Variants in IQGAP2 observed in about 807,000 individuals in gnomAD.
The protein encoded by IQGAP2 is IQ motif containing GTPase activating protein 2.
In IQGAP2, 173 loss-of-function variants were observed where a neutral mutation model predicts 201.3. That is an observed-to-expected ratio of 0.86 (90% CI 0.76 to 0.98). The LOEUF is 0.98. IQGAP2 is among the 50% of genes least tolerant of loss of function. The probability of loss-of-function intolerance (pLI) is 0.00; values close to 1 mark genes in which losing one functional copy is unlikely to be tolerated. For synonymous variants in IQGAP2, 675 were observed against 673.9 expected, an observed-to-expected ratio of 1.00 and a Z score of -0.03; for missense variants, 1,687 against 1,864.8, an observed-to-expected ratio of 0.90 and a Z score of 1.76.
Position 76,403,495 on chromosome 5 carries a change from G to T in IQGAP2, c.-51G>T. The T allele has an allele frequency of 3.6e-6, 5 of 1,397,948 alleles. No individual in the cohort carries two copies. In the South Asian group the frequency reaches 4.5e-5, roughly 12 times the overall value. 86.6% of individuals were successfully genotyped at this position (1,397,948 alleles called of 1,614,324 possible). ...CGCAGAGCCCGCGAGCCTGGCCAGC[G>T]AGGGTAGCCGCGGGGGGCGCGCCCC... On this transcript the variant is annotated 5_prime_UTR_variant, in exon 1 of 36. Transcript: ENST00000274364. The surrounding 1 kb of genome is among the most constrained non-coding windows in gnomAD (Gnocchi z 4.8).
intron 1 of IQGAP2, among the ~76,000 whole-genome samples, chr5:76,412,050 T>C (rs1751153251): frequency 6.6e-6 from 1 of 152,230 alleles, no homozygotes; most frequent in Non-Finnish European, 1.5e-5. Flanking sequence ...CCTTACAGTG[T>C]TATTCATTTA....
In IQGAP2 at chr5:76,572,048, C is replaced by G. The variant is rs1312486159; in HGVS notation, c.381+1391C>G. On this transcript the variant is annotated intron_variant, in intron 4 of 35. Transcript: ENST00000274364. ...CCCCAGCCCTGTTCCCTGGCAACCA[C>G]TAATATGTTCTCGATCTCTATAGTT... 2.0e-5 allele frequency among the ~76,000 whole-genome samples: 3 copies of G among 152,168 alleles called. No individual in the cohort carries two copies. In the East Asian group the frequency reaches 5.8e-4, roughly 29 times the overall value.
At chr5:76,602,006 C>T (rs1000779647) in intron 11 of IQGAP2, among the ~76,000 whole-genome samples, 5 of 152,152 alleles carry the variant, frequency 3.3e-5, no homozygotes, top group Non-Finnish European at 5.9e-5. Context: ...TGGCACCATT[C>T]TCTCCTGTAA....
At chr5:76,489,224 C>T (rs1272918619) in intron 2 of IQGAP2, among the ~76,000 whole-genome samples, 2 of 152,234 alleles carry the variant, frequency 1.3e-5, no homozygotes, top group East Asian at 1.9e-4. Flanking sequence ...GCAGGTTGGT[C>T]CCTGCAGTCC....
intron 10 of IQGAP2, among the ~76,000 whole-genome samples, chr5:76,597,871 G>A (rs1319941650): frequency 1.3e-5 from 2 of 152,150 alleles, no homozygotes; most frequent in East Asian, 3.8e-4. Context: ...TATTTTCTGT[G>A]TGATATTTGA....
chr5:76,542,068 C>G lies in IQGAP2; in HGVS notation c.147-20328C>G, dbSNP rs537937907. ...GTGCAATCACAGCTCACTGAAACCT[C>G]ACCCTCTTGGGCTGCAGCAATGCTC... On this transcript the variant is annotated intron_variant, in intron 2 of 35. Transcript: ENST00000274364. Among the ~76,000 whole-genome samples, 218 of 152,300 alleles carry G rather than the reference C, an allele frequency of 1.4e-3. 1 individual carries two copies. Among genetic ancestry groups the G allele is most frequent in the Non-Finnish European group, 2.4e-3 (160 of 68,028 alleles).
chr5:76,608,455 C>T (rs62362036), intron 12 of IQGAP2, among the ~76,000 whole-genome samples: 24,537 of 152,132 alleles, frequency 0.16, 2,136 homozygotes, highest in Admixed American at 0.28. Context: ...TCTTCAAAAT[C>T]TAAAATTTCT....
intron 1 of IQGAP2, among the ~76,000 whole-genome samples, chr5:76,410,364 C>A (rs549280351): frequency 6.6e-6 from 1 of 152,166 alleles, no homozygotes; most frequent in Admixed American, 6.5e-5. Context: ...TCACCTGATG[C>A]AACCCCTTAC....
chr5:76,420,326 A>C (rs1260571473), intron 1 of IQGAP2, among the ~76,000 whole-genome samples: 1 of 151,800 alleles, frequency 6.6e-6, no homozygotes, highest in African/African-American at 2.4e-5. Flanking sequence ...TGTGGTATTA[A>C]GTACATTCAC....
At chr5:76,539,527 CCTT>C (rs1361410924) in intron 2 of IQGAP2, among the ~76,000 whole-genome samples, 2 of 152,190 alleles carry the variant, frequency 1.3e-5, no homozygotes, top group African/African-American at 4.8e-5. Flanking sequence ...GCTCATCTCT[CCTT>C]CTTGCAGGTA....
chr5:76,506,778 C>T (rs1757627373), intron 2 of IQGAP2, among the ~76,000 whole-genome samples: 1 of 152,082 alleles, frequency 6.6e-6, no homozygotes, highest in Admixed American at 6.5e-5. Context: ...TCAACACCCC[C>T]AAAAATGAAA....
Position 76,698,929 on chromosome 5 carries a change from T to A in IQGAP2, c.4367+782T>A, listed in dbSNP as rs1456110359. On this transcript the variant is annotated intron_variant, in intron 33 of 35. Transcript: ENST00000274364. ...GTGATGTTATCATTTATTATTACAA[T>A]GTGAAATAATTAATTCATATATGCA... Among the ~76,000 whole-genome samples the A allele has an allele frequency of 2.0e-5, 3 of 152,214 alleles. No individual in the cohort carries two copies. In the East Asian group the frequency reaches 5.8e-4, roughly 29 times the overall value.
At chr5:76,648,473 T>C (rs567352558) in intron 17 of IQGAP2, among the ~76,000 whole-genome samples, 7 of 152,342 alleles carry the variant, frequency 4.6e-5, no homozygotes, top group African/African-American at 1.7e-4. Context: ...CTTGACTGTT[T>C]GGATATTGCA....
intron 2 of IQGAP2, chr5:76,547,360 G>A (rs1336958604): frequency 1.4e-6 from 1 of 713,630 alleles, no homozygotes; most frequent in Non-Finnish European, 1.7e-6. Flanking sequence ...TTGGTGTTCT[G>A]GAATGTCCAT....
chr5:76,665,428 A>G (rs1357023161), intron 22 of IQGAP2, among the ~76,000 whole-genome samples: 1 of 152,244 alleles, frequency 6.6e-6, no homozygotes, highest in Non-Finnish European at 1.5e-5. Context: ...AGACACAGCC[A>G]GTAAATGATA....
rs145564071 is a variant in IQGAP2 at position 76,657,208 on chromosome 5, C to T, written c.2321-1251C>T. On this transcript the variant is annotated intron_variant, in intron 20 of 35. Coordinates refer to ENST00000274364, the MANE Select transcript of IQGAP2 (RefSeq NM_006633.5). ...TTAATACATATGAAGAGACACAACC[C>T]TTAGTGGGTGGGAGAGGCAGCCATC... Among the ~76,000 whole-genome samples, 160 of 152,284 alleles carry T rather than the reference C, an allele frequency of 1.1e-3. 1 individual carries two copies. Among genetic ancestry groups the T allele is most frequent in the South Asian group, 5.6e-3 (27 of 4,826 alleles).
chr5:76,622,474 G>A (rs1224231700), intron 13 of IQGAP2, among the ~76,000 whole-genome samples: 1 of 152,248 alleles, frequency 6.6e-6, no homozygotes, highest in African/African-American at 2.4e-5. Flanking sequence ...TCCTAACAAT[G>A]TTGACTGGAG....
At chr5:76,409,121 A>G (rs368835035) in intron 1 of IQGAP2, among the ~76,000 whole-genome samples, 1 of 119,550 alleles carries the variant, frequency 8.4e-6, no homozygotes, top group Non-Finnish European at 2.0e-5. Flanking sequence ...AAACAAACAA[A>G]AAACAACAAC....
intron 2 of IQGAP2, among the ~76,000 whole-genome samples, chr5:76,521,597 T>C (rs1478763376): frequency 6.6e-6 from 1 of 152,236 alleles, no homozygotes; most frequent in Non-Finnish European, 1.5e-5. Flanking sequence ...AGCTTGATGC[T>C]TTGTACAAGT....
Sources: gnomAD v4.1 joint callset for allele counts (sites outside exome capture counted in the v4.1 genomes callset) on GRCh38, gnomAD v4.1.1 for gene constraint, Gnocchi (gnomAD v3.1) non-coding constraint, MANE v1.5 for transcripts, NCBI Gene and HGNC (gene_info 2026-07-23, HGNC 2026-07-21) for gene names.